The following MRE11 variants were observed in gnomAD, a reference collection of about 807,000 sequenced individuals.
The protein encoded by MRE11 is MRE11 double strand break repair nuclease.
In MRE11, 62 loss-of-function variants were observed where a neutral mutation model predicts 91.7. The observed-to-expected ratio is 0.68, with a 90% CI of 0.55 to 0.84. The LOEUF (loss-of-function observed/expected upper bound fraction) is 0.84, where lower values mean the gene tolerates loss of function less well. Ranked by LOEUF, MRE11 falls within the 40% of genes least tolerant of loss-of-function variation. The pLI, the probability that MRE11 is intolerant of heterozygous loss-of-function variation, is 0.00. For missense variants in MRE11, 796 were observed against 852.9 expected (o/e 0.93, Z 0.83); for synonymous variants, 273 against 271.4 (o/e 1.01, Z -0.06).
intron 15 of MRE11, among the ~76,000 whole-genome samples, chr11:94,446,258 A>C (rs1945927101): frequency 1.3e-5 from 2 of 152,092 alleles, no homozygotes; most frequent in Admixed American, 6.6e-5. Context: ...AAATACAAAA[A>C]TTAACTGGCA....
chr11:94,477,634 A>G (rs768463151), intron 6 of MRE11, among the ~76,000 whole-genome samples: 6 of 152,242 alleles, frequency 3.9e-5, no homozygotes, highest in Non-Finnish European at 8.8e-5. Flanking sequence ...AATGTAGAAC[A>G]TGTAACTGGA....
chr11:94,479,995 T>C (rs1420070061), intron 4 of MRE11, among the ~76,000 whole-genome samples: 1 of 152,208 alleles, frequency 6.6e-6, no homozygotes, highest in Non-Finnish European at 1.5e-5. Flanking sequence ...TAAACAGTGC[T>C]TGTGGTATGT....
intron 4 of MRE11, among the ~76,000 whole-genome samples, chr11:94,481,191 C>A (rs980987262): frequency 3.9e-5 from 6 of 152,020 alleles, no homozygotes; most frequent in Non-Finnish European, 7.3e-5. Context: ...TGCCTGTAGT[C>A]CCAGCTACTT....
At chr11:94,432,134 T>C (rs1945477204) in intron 18 of MRE11, among the ~76,000 whole-genome samples, 1 of 152,168 alleles carries the variant, frequency 6.6e-6, no homozygotes, top group African/African-American at 2.4e-5. Context: ...GAGTTAGGTT[T>C]CTATCAGCTG....
At chr11:94,443,846 T>C (rs916321352) in intron 16 of MRE11, among the ~76,000 whole-genome samples, 2 of 151,780 alleles carry the variant, frequency 1.3e-5, no homozygotes, top group East Asian at 1.9e-4. Context: ...TTTTACACGA[T>C]AGAACATAAT....
chr11:94,432,459 A>G (rs1432725840), intron 18 of MRE11, among the ~76,000 whole-genome samples: 3 of 152,172 alleles, frequency 2.0e-5, no homozygotes, highest in East Asian at 3.9e-4. Context: ...ATCCATCCCA[A>G]TGGTTTTAAG....
rs1945037396 is a variant in MRE11 at position 94,416,714 on chromosome 11, C to T, written c.*3411G>A. The T allele has an allele frequency of 6.7e-6, 1 of 148,304 alleles. No homozygotes were observed. The highest frequency in any genetic ancestry group is 2.1e-4 in the South Asian group (1 of 4,688). 9.2% of individuals were successfully genotyped at this position (148,304 alleles called of 1,614,324 possible). On this transcript the variant is annotated 3_prime_UTR_variant, in exon 20 of 20. Coordinates refer to ENST00000323929, the MANE Select transcript of MRE11 (RefSeq NM_005591.4). ...CAAAAAAAAAAAAAAAAAAATTAGC[C>T]AGGCGTGGTGGTGGGCGCCTGTAGT...
chr11:94,462,992 C>A (rs1469938200), intron 11 of MRE11, among the ~76,000 whole-genome samples: 1 of 152,198 alleles, frequency 6.6e-6, no homozygotes, highest in Non-Finnish European at 1.5e-5. Flanking sequence ...AGTGGACAGG[C>A]AACCTACAGA....
chr11:94,484,030 A>T (rs1020905839), intron 4 of MRE11, among the ~76,000 whole-genome samples: 2 of 152,188 alleles, frequency 1.3e-5, no homozygotes, highest in African/African-American at 2.4e-5. Flanking sequence ...AAAAGGAACC[A>T]GGGTTCCTTG....
At chr11:94,443,252 C>T (rs1392030771) in intron 16 of MRE11, among the ~76,000 whole-genome samples, 4 of 152,116 alleles carry the variant, frequency 2.6e-5, no homozygotes. Context: ...TCTAATCTTA[C>T]CTTGCTCTGG....
At chr11:94,508,382 ATT>A in the MRE11 span, among the ~76,000 whole-genome samples, 6 of 152,240 alleles carry the variant, frequency 3.9e-5, no homozygotes, top group South Asian at 1.2e-3. Flanking sequence ...GGTTTTTTTC[ATT>A]GTTATACTCT....
Position 94,487,087 on chromosome 11 carries a change from A to G in MRE11, c.154-1003T>C, listed in dbSNP as rs557875595. On this transcript the variant is annotated intron_variant, in intron 3 of 19. Transcript: ENST00000323929. ...CAAAGGCATGGAAGAAACAAAACAA[A>G]AACAACAAACCAAATGAAAAACATA... 5.9e-5 allele frequency among the ~76,000 whole-genome samples: 9 copies of G among 152,308 alleles called. No individual in the cohort carries two copies. The East Asian group carries it at 1.7e-3, about 29-fold the overall frequency.
At chr11:94,487,846 A>T (rs1947181268) in intron 3 of MRE11, among the ~76,000 whole-genome samples, 1 of 152,234 alleles carries the variant, frequency 6.6e-6, no homozygotes, top group Non-Finnish European at 1.5e-5. Context: ...TGTGAGACTG[A>T]TGTTGTTTCA....
chr11:94,467,686 T>C (rs1335040504), intron 10 of MRE11, 127 bp downstream of exon 10: 16 of 777,154 alleles, frequency 2.1e-5, no homozygotes, highest in Non-Finnish European at 3.3e-5. Context: ...TGTTTTTGCC[T>C]CCGATGGTGA....
At position 94,481,299 on chromosome 11, in the gene MRE11, ACT is replaced by A. The variant is rs1414085390; in HGVS notation, c.315-1540_315-1539del. On this transcript the variant is annotated intron_variant, in intron 4 of 19. Coordinates refer to ENST00000323929, the MANE Select transcript of MRE11 (RefSeq NM_005591.4). The stretch of plus-strand genomic sequence containing the variant: ...TCTCCAACCTGGGCGACAAAGCAAG[ACT>A]CTGTCTCGAAAAAAAAAAATAAAAG... 3.3e-5 allele frequency among the ~76,000 whole-genome samples: 5 copies of A among 151,178 alleles called. No individual in the cohort carries two copies. In the East Asian group the frequency reaches 9.8e-4, roughly 29 times the overall value.
In MRE11 at chr11:94,463,456, A is replaced by T. The variant is rs530538634; in HGVS notation, c.1225+657T>A. On this transcript the variant is annotated intron_variant, in intron 11 of 19. Coordinates refer to ENST00000323929, the MANE Select transcript of MRE11 (RefSeq NM_005591.4). ...GTATATACCCAAAGGATTATAAATC[A>T]TGCTGCTATAAAGACACATGCACAC... Among the ~76,000 whole-genome samples the T allele has an allele frequency of 3.6e-3, 544 of 152,344 alleles. 6 individuals are homozygous for T. The highest frequency in any genetic ancestry group is 0.013 in the African/African-American group (522 of 41,578).
upstream of MRE11, chr11:94,497,613 A>G (rs1352847302): frequency 6.4e-6 from 1 of 156,872 alleles, no homozygotes; most frequent in Non-Finnish European, 1.4e-5. Context: ...TTGAATCCCT[A>G]GAATTCCTTA....
chr11:94,489,460 T>C (rs1407671943), intron 3 of MRE11, among the ~76,000 whole-genome samples: 1 of 151,830 alleles, frequency 6.6e-6, no homozygotes, highest in Non-Finnish European at 1.5e-5. Context: ...GGCAACAGAG[T>C]GCCATGATCT....
chr11:94,472,652 CATAA>C (rs1282506114), intron 7 of MRE11, among the ~76,000 whole-genome samples: 1 of 152,076 alleles, frequency 6.6e-6, no homozygotes, highest in African/African-American at 2.4e-5. Flanking sequence ...AAATTCCACA[CATAA>C]ATACTTAACA....
Sources: allele counts gnomAD v4.1 joint callset (sites outside exome capture counted in the v4.1 genomes callset), GRCh38; gene constraint gnomAD v4.1.1; transcripts MANE v1.5; gene names NCBI Gene and HGNC (gene_info 2026-07-23, HGNC 2026-07-21).